RANBP10: variants seen among roughly 807,000 people sequenced by gnomAD.
The protein encoded by RANBP10 is RAN binding protein 10.
Under a neutral mutation model 72.8 loss-of-function variants are expected in RANBP10, and 24 were observed. That is an observed-to-expected ratio of 0.33 (90% CI 0.24 to 0.46). RANBP10 has a LOEUF of 0.46. Ranked by LOEUF, RANBP10 falls within the 20% of genes least tolerant of loss-of-function variation. RANBP10 has a pLI of 1.00. For missense variants in RANBP10, 679 were observed against 817.5 expected, an observed-to-expected ratio of 0.83 and a Z score of 2.07; for synonymous variants, 310 against 322.3, an observed-to-expected ratio of 0.96 and a Z score of 0.41.
chr16:67,754,015 T>G (rs2054242457), intron 3 of RANBP10, among the ~76,000 whole-genome samples: 1 of 151,238 alleles, frequency 6.6e-6, no homozygotes, highest in Non-Finnish European at 1.5e-5. Context: ...GCACCTGTAG[T>G]CCCAGTTACT....
intron 2 of RANBP10, among the ~76,000 whole-genome samples, chr16:67,803,795 T>C (rs1269505775): frequency 6.9e-6 from 1 of 145,302 alleles, no homozygotes; most frequent in Admixed American, 7.1e-5. Context: ...GCCACTGCAC[T>C]TCAGCGTGGG....
chr16:67,738,783 C>T (rs1417296946), intron 4 of RANBP10: 1 of 152,088 alleles, frequency 6.6e-6, no homozygotes, highest in African/African-American at 2.4e-5. Flanking sequence ...AGACCATGGC[C>T]TTCTCTTCAC....
At chr16:67,803,580 G>A (rs912930435) in intron 2 of RANBP10, among the ~76,000 whole-genome samples, 10 of 150,702 alleles carry the variant, frequency 6.6e-5, no homozygotes, top group African/African-American at 2.2e-4. Flanking sequence ...AACCTGGGAG[G>A]CGGAGGTTGT....
At chr16:67,801,309 T>A (rs955185201) in intron 2 of RANBP10, among the ~76,000 whole-genome samples, 1 of 152,108 alleles carries the variant, frequency 6.6e-6, no homozygotes, top group East Asian at 1.9e-4. Context: ...TCCCCTAACA[T>A]TGCAATCTGG....
intron 2 of RANBP10, among the ~76,000 whole-genome samples, chr16:67,777,549 A>T (rs767792604): frequency 2.5e-4 from 38 of 152,176 alleles, no homozygotes; most frequent in Non-Finnish European, 1.8e-4. Context: ...ACAAAACGAA[A>T]AAAAAAGTAA....
chr16:67,783,967 T>C (rs995174132), intron 2 of RANBP10, among the ~76,000 whole-genome samples: 1 of 142,914 alleles, frequency 7.0e-6, no homozygotes, highest in Non-Finnish European at 1.5e-5. Context: ...TGTTTGAACC[T>C]GGAAGGTGGA....
chr16:67,750,019 G>A (rs979488793), intron 3 of RANBP10, among the ~76,000 whole-genome samples: 3 of 152,176 alleles, frequency 2.0e-5, no homozygotes, highest in Non-Finnish European at 2.9e-5. Context: ...CCACTGCAAG[G>A]CAGTAACTGA....
At chr16:67,749,071 G>A (rs1481163909) in intron 3 of RANBP10, among the ~76,000 whole-genome samples, 3 of 152,138 alleles carry the variant, frequency 2.0e-5, no homozygotes, top group Non-Finnish European at 4.4e-5. Context: ...GTGAATAGGC[G>A]AGGGCACAGG....
Position 67,727,915 on chromosome 16 carries a change from G to A in RANBP10, c.1475-19C>T. 6.2e-7 allele frequency: 1 copy of A among 1,613,298 alleles called. No individual in the cohort carries two copies. Among genetic ancestry groups the A allele is most frequent in the Non-Finnish European group, 8.5e-7 (1 of 1,179,870 alleles). Reference sequence around the variant, plus strand: ...CTGTCATCTGCATCCAGAACCCAGTGGAGAACGTGTTAGGAGGGGTGAAGA... The same window carrying A: ...CTGTCATCTGCATCCAGAACCCAGTAGAGAACGTGTTAGGAGGGGTGAAGA... On this transcript the variant is annotated intron_variant, in intron 11 of 13. Coordinates refer to ENST00000317506, the MANE Select transcript of RANBP10 (RefSeq NM_020850.3).
chr16:67,783,329 G>A (rs2054848286), intron 2 of RANBP10, among the ~76,000 whole-genome samples: 1 of 152,146 alleles, frequency 6.6e-6, no homozygotes, highest in Non-Finnish European at 1.5e-5. Flanking sequence ...ATATGTACAA[G>A]GCCACGGGAA....
intron 2 of RANBP10, among the ~76,000 whole-genome samples, chr16:67,800,711 G>A (rs1442540302): frequency 6.6e-6 from 1 of 152,126 alleles, no homozygotes; most frequent in African/African-American, 2.4e-5. Flanking sequence ...CCATCAGTCT[G>A]TGCCAAGCTC....
chr16:67,723,955 C>T lies in RANBP10; in HGVS notation c.*2473G>A, dbSNP rs536519267. The T allele has an allele frequency of 3.9e-5, 6 of 152,798 alleles. No homozygotes were observed. The South Asian group carries it at 1.2e-3, about 32-fold the overall frequency. 9.5% of individuals were successfully genotyped at this position (152,798 alleles called of 1,614,324 possible). ...TATGTCCCAAAGGTGAGCTGCCCAA[C>T]TGGGACAGAGAGCCCCTCTGGAGAG... is the stretch of plus-strand genomic sequence containing the variant. On this transcript the variant is annotated 3_prime_UTR_variant, in exon 14 of 14. Transcript: ENST00000317506.
intron 2 of RANBP10, among the ~76,000 whole-genome samples, chr16:67,796,074 G>A (rs1158591472): frequency 2.0e-5 from 3 of 151,496 alleles, no homozygotes; most frequent in Non-Finnish European, 4.4e-5. Flanking sequence ...CTGCCACCAT[G>A]CCCAGCTAAT....
chr16:67,726,496 G>A lies in RANBP10; in HGVS notation c.1795C>T (p.Leu599Phe), dbSNP rs1306124479. Residue 599 changes from leucine (L) to phenylalanine (F), a missense_variant, in exon 14 of 14, where the codon CTC becomes TTC. Coordinates refer to ENST00000317506, the MANE Select transcript of RANBP10 (RefSeq NM_020850.3). ...AGGCCTGCTCGGGCCATGAGCCGGA[G>A]ACACTCAGATGCCTGGCCCAGGGCG... Reference protein sequence around the residue: ...MLALGQASECLRLMARAGLGS... With the variant: ...MLALGQASECFRLMARAGLGS... The A allele has an allele frequency of 6.3e-7, 1 of 1,595,652 alleles. No homozygotes were observed. Among genetic ancestry groups the A allele is most frequent in the Non-Finnish European group, 8.5e-7 (1 of 1,171,062 alleles).
chr16:67,736,508 T>C (rs761356639), intron 5 of RANBP10, among the ~76,000 whole-genome samples: 2 of 152,212 alleles, frequency 1.3e-5, no homozygotes, highest in Non-Finnish European at 2.9e-5. Flanking sequence ...TTTTCCTGTA[T>C]GCTGGCTTCA....
At chr16:67,792,561 C>CA (rs527254214) in intron 2 of RANBP10, among the ~76,000 whole-genome samples, 19,620 of 116,334 alleles carry the variant, frequency 0.17, 1,604 homozygotes, top group African/African-American at 0.25. Context: ...GACTCCATCT[C>CA]AAAAAAAAAA....
intron 3 of RANBP10, among the ~76,000 whole-genome samples, chr16:67,748,019 G>T (rs896580768): frequency 6.7e-6 from 1 of 149,548 alleles, no homozygotes; most frequent in Admixed American, 6.7e-5. Flanking sequence ...TAGAGACGGG[G>T]TTTCACCATG....
At chr16:67,795,653 G>A (rs1403911157) in intron 2 of RANBP10, among the ~76,000 whole-genome samples, 4 of 151,718 alleles carry the variant, frequency 2.6e-5, no homozygotes, top group Admixed American at 2.0e-4. Context: ...GGATCACGAG[G>A]TCAGGAGATC....
chr16:67,743,711 C>A (rs1408222398), intron 4 of RANBP10, among the ~76,000 whole-genome samples: 1 of 152,192 alleles, frequency 6.6e-6, no homozygotes, highest in Non-Finnish European at 1.5e-5. Context: ...GCACCCATCC[C>A]CACTGCCTTA....
Sources: gnomAD v4.1 joint callset for allele counts (sites outside exome capture counted in the v4.1 genomes callset) on GRCh38, gnomAD v4.1.1 for gene constraint, MANE v1.5 for transcripts, NCBI Gene and HGNC (gene_info 2026-07-23, HGNC 2026-07-21) for gene names.